DNAH6: variants seen among roughly 807,000 people sequenced by gnomAD.
The protein encoded by DNAH6 is axonemal beta dynein heavy chain 6.
DNAH6 carries 340 observed loss-of-function variants against 491.4 expected under a neutral mutation model. That is an observed-to-expected ratio of 0.69 (90% CI 0.63 to 0.76). The LOEUF (loss-of-function observed/expected upper bound fraction) is 0.76. Ranked by LOEUF, DNAH6 falls within the 30% of genes least tolerant of loss-of-function variation. The probability of loss-of-function intolerance (pLI) is 0.00; values close to 1 mark genes in which losing one functional copy is unlikely to be tolerated. For synonymous variants in DNAH6, 1,603 were observed against 1,686.1 expected (o/e 0.95, Z 1.21); for missense variants, 4,443 against 4,972.2 (o/e 0.89, Z 3.20).
At chr2:84,696,728 A>G (rs1695429925) in intron 46 of DNAH6, among the ~76,000 whole-genome samples, 1 of 152,116 alleles carries the variant, frequency 6.6e-6, no homozygotes, top group Admixed American at 6.5e-5. Context: ...AAACTTTTAT[A>G]TAACTAAAAA....
At chr2:84,667,431 G>C (rs1692245444) in intron 37 of DNAH6, among the ~76,000 whole-genome samples, 1 of 152,144 alleles carries the variant, frequency 6.6e-6, no homozygotes, top group East Asian at 1.9e-4. Context: ...ACATCAAAAA[G>C]TGGGCGAAGG....
chr2:84,774,875 G>A (rs373170065), intron 64 of DNAH6, among the ~76,000 whole-genome samples: 24 of 152,188 alleles, frequency 1.6e-4, no homozygotes, highest in African/African-American at 5.3e-4. Flanking sequence ...ATTGATTTTT[G>A]TGCATTGATT....
At chr2:84,778,200 C>A in intron 64 of DNAH6, 1 of 689,608 alleles carries the variant, frequency 1.5e-6, no homozygotes, top group South Asian at 1.6e-5. Context: ...GATTATGAAT[C>A]AGCTGATCCT....
At chr2:84,776,538 A>G (rs1676140424) in intron 64 of DNAH6, among the ~76,000 whole-genome samples, 1 of 152,238 alleles carries the variant, frequency 6.6e-6, no homozygotes, top group Non-Finnish European at 1.5e-5. Flanking sequence ...AGACAGTGAA[A>G]TGATCTGACA....
At chr2:84,807,573 G>A (rs1679538480) in intron 71 of DNAH6, among the ~76,000 whole-genome samples, 1 of 152,178 alleles carries the variant, frequency 6.6e-6, no homozygotes, top group Admixed American at 6.5e-5. Flanking sequence ...CCTATGCAGT[G>A]CAGGTGAGCA....
At chr2:84,735,654 C>G (rs558719534) in intron 62 of DNAH6, among the ~76,000 whole-genome samples, 69 of 152,106 alleles carry the variant, frequency 4.5e-4, no homozygotes, top group Non-Finnish European at 7.1e-4. Context: ...TCATGTTGAG[C>G]ATTTTTTCAT....
At chr2:84,683,952 G>C (rs530908777) in intron 42 of DNAH6, among the ~76,000 whole-genome samples, 1 of 152,082 alleles carries the variant, frequency 6.6e-6, no homozygotes, top group Non-Finnish European at 1.5e-5. Context: ...AGGAGCTTAG[G>C]CATTAAGAAC....
chr2:84,539,386 G>A (rs1678017798), intron 4 of DNAH6, among the ~76,000 whole-genome samples: 1 of 152,040 alleles, frequency 6.6e-6, no homozygotes, highest in Admixed American at 6.6e-5. Flanking sequence ...AGTGGATGAT[G>A]GTTTCATTTC....
intron 55 of DNAH6, 52 bp from the exon 56 acceptor site, chr2:84,710,235 G>A: frequency 6.6e-7 from 1 of 1,514,104 alleles, no homozygotes; most frequent in African/African-American, 1.4e-5. Context: ...TCGCTTTCTA[G>A]CCATTTATTA....
Position 84,796,423 on chromosome 2 carries a change from C to T in DNAH6, c.11357C>T (p.Ser3786Leu). ...TLEEDYKYSE[S>L]GIYFAPMADS... is the part of the protein sequence containing the mutation. ...GAAGAAGATTATAAATACTCTGAAT[C>T]AGGTGAATGACTTTTCAATATTACA... Residue 3786 changes from serine (S) to leucine (L), a missense_variant and splice_region_variant, in exon 69 of 77, where the codon TCA (serine) becomes TTA (leucine). Ser to Leu is a moderately radical substitution (Grantham distance 145). Coordinates refer to ENST00000389394, the MANE Select transcript of DNAH6 (RefSeq NM_001370.2). The T allele has an allele frequency of 6.6e-7, 1 of 1,513,462 alleles. No individual in the cohort carries two copies. Among genetic ancestry groups the T allele is most frequent in the African/African-American group, 1.4e-5 (1 of 71,382 alleles). 93.8% of individuals were successfully genotyped at this position (1,513,462 alleles called of 1,614,324 possible).
chr2:84,677,178 G>T (rs1027262887), intron 41 of DNAH6, 42 bp downstream of exon 41: 3 of 1,550,588 alleles, frequency 1.9e-6, no homozygotes, highest in Admixed American at 2.0e-5. Context: ...GGAAAAGAAA[G>T]CATATTTGTT....
the DNAH6 span, among the ~76,000 whole-genome samples, chr2:84,510,613 G>A: frequency 6.6e-6 from 1 of 152,192 alleles, no homozygotes; most frequent in Non-Finnish European, 1.5e-5. Context: ...TCCATTGCTG[G>A]TGAGGATCTG....
chr2:84,621,098 A>G, intron 24 of DNAH6, 93 bp from the exon 25 acceptor site: 2 of 1,311,472 alleles, frequency 1.5e-6, no homozygotes, highest in East Asian at 2.5e-5. Flanking sequence ...TTCAGCGTTT[A>G]TGTAGCTTAG....
intron 62 of DNAH6, among the ~76,000 whole-genome samples, chr2:84,743,616 G>A (rs1672708917): frequency 6.6e-6 from 1 of 152,176 alleles, no homozygotes; most frequent in South Asian, 2.1e-4. Context: ...GAGCTCAGGA[G>A]TTGGAGACCA....
intron 22 of DNAH6, among the ~76,000 whole-genome samples, chr2:84,612,125 A>G (rs1686403676): frequency 6.6e-6 from 1 of 151,850 alleles, no homozygotes; most frequent in African/African-American, 2.4e-5. Context: ...TGCTGTTTTT[A>G]TGATTGGGGG....
chr2:84,660,302 A>C (rs952406878), intron 37 of DNAH6, among the ~76,000 whole-genome samples: 1 of 152,218 alleles, frequency 6.6e-6, no homozygotes, highest in Non-Finnish European at 1.5e-5. Flanking sequence ...CTGGTCAAAA[A>C]TGGATAGATT....
Position 84,808,492 on chromosome 2 carries a change from G to T in DNAH6, c.11689G>T (p.Val3897Phe). 1.3e-6 allele frequency: 2 copies of T among 1,551,736 alleles called. No homozygotes were observed. The highest frequency in any genetic ancestry group is 1.7e-6 in the Non-Finnish European group (2 of 1,146,970). Residue 3897 changes from valine to phenylalanine, a missense_variant, in exon 72 of 77, where the codon GTT becomes TTT. This residue lies in a region of DNAH6 where 1,463 missense variants were observed against 1,656.6 expected (regional missense o/e 0.88). Coordinates refer to ENST00000389394, the MANE Select transcript of DNAH6 (RefSeq NM_001370.2). The part of the protein sequence containing the change: ...LQGRLNSLTT[V>F]LGQEVDRFNN... ...AGGACGTCTGAACTCCTTGACCACC[G>T]TTCTTGGACAGGAAGTGGACCGGTT...
chr2:84,581,261 C>G (rs748910648), intron 14 of DNAH6, among the ~76,000 whole-genome samples: 5 of 152,114 alleles, frequency 3.3e-5, no homozygotes, highest in Admixed American at 1.3e-4. Context: ...AGACTGTGTC[C>G]CATCTCCAGG....
chr2:84,803,145 G>T (rs866700320), intron 70 of DNAH6, among the ~76,000 whole-genome samples: 2 of 152,132 alleles, frequency 1.3e-5, no homozygotes, highest in Non-Finnish European at 2.9e-5. Context: ...ACCTAATGTT[G>T]CACCCAAAGG....
Sources: gnomAD v4.1 joint callset for allele counts (sites outside exome capture counted in the v4.1 genomes callset) on GRCh38, gnomAD v4.1.1 for gene constraint, gnomAD v4.1.1 regional missense constraint, MANE v1.5 for transcripts, NCBI Gene and HGNC (gene_info 2026-07-23, HGNC 2026-07-21) for gene names.